CCDC102B: variants seen among roughly 807,000 people sequenced by gnomAD.
The protein encoded by CCDC102B is coiled-coil domain-containing protein 102B.
A neutral mutation model predicts 57.4 loss-of-function variants in CCDC102B; 75 were observed. The ratio of observed to expected loss-of-function variants is 1.31; its 90% CI spans 1.08 to 1.58. CCDC102B has a LOEUF of 1.58. CCDC102B is among the 40% of genes most tolerant of loss of function. The pLI is 0.00. For synonymous variants in CCDC102B, 206 were observed against 201.9 expected (o/e 1.02, Z -0.17); for missense variants, 636 against 582.6 (o/e 1.09, Z -0.94).
In CCDC102B at chr18:68,874,796, G is replaced by A; in HGVS notation, c.1053+11G>A. On this transcript the variant is annotated intron_variant, in intron 5 of 7. Transcript: ENST00000360242. ...GAGTTAAGAGCAGAGGTAAGACACT[G>A]GGTAAAGAGTACCATATATATTAAA... is the stretch of plus-strand genomic sequence containing the variant. The A allele has an allele frequency of 1.4e-6, 2 of 1,441,030 alleles. No homozygotes were observed. The highest frequency in any genetic ancestry group is 2.0e-6 in the Non-Finnish European group (2 of 1,023,964). 89.3% of individuals were successfully genotyped at this position (1,441,030 alleles called of 1,614,324 possible). A position where few individuals can be genotyped will look rare whatever the true frequency, so the allele number is the denominator to read the frequency against.
chr18:68,883,935 T>A (rs549385736), intron 5 of CCDC102B, among the ~76,000 whole-genome samples: 1 of 152,144 alleles, frequency 6.6e-6, no homozygotes, highest in East Asian at 1.9e-4. Context: ...AATTAACATC[T>A]AAAAATTTCC....
chr18:69,043,410 G>A (rs940772431), intron 7 of CCDC102B, among the ~76,000 whole-genome samples: 12 of 152,088 alleles, frequency 7.9e-5, no homozygotes, highest in East Asian at 7.8e-4. Context: ...TATGGGTGTC[G>A]GGCTTGGGGA....
chr18:69,031,345 A>G (rs2052137957), intron 7 of CCDC102B, among the ~76,000 whole-genome samples: 1 of 152,134 alleles, frequency 6.6e-6, no homozygotes, highest in African/African-American at 2.4e-5. Context: ...CATTTGGCTT[A>G]TAATCCAATC....
intron 3 of CCDC102B, among the ~76,000 whole-genome samples, chr18:68,843,294 T>A (rs576656754): frequency 6.6e-6 from 1 of 152,340 alleles, no homozygotes; most frequent in East Asian, 1.9e-4. Context: ...GATAATCATT[T>A]GATTTGGTAA....
At chr18:68,971,660 T>C (rs2050303554) in intron 6 of CCDC102B, among the ~76,000 whole-genome samples, 1 of 152,130 alleles carries the variant, frequency 6.6e-6, no homozygotes, top group Non-Finnish European at 1.5e-5. Flanking sequence ...ACAGAGAAAA[T>C]TGTGTAAGCC....
At chr18:68,720,804 T>G (rs2032284636) in intron 2 of CCDC102B, among the ~76,000 whole-genome samples, 1 of 152,174 alleles carries the variant, frequency 6.6e-6, no homozygotes, top group Non-Finnish European at 1.5e-5. Context: ...ATGGGCATAG[T>G]GGCTCACACC....
intron 2 of CCDC102B, among the ~76,000 whole-genome samples, chr18:68,779,374 G>A (rs2034929893): frequency 6.6e-6 from 1 of 152,088 alleles, no homozygotes; most frequent in Non-Finnish European, 1.5e-5. Flanking sequence ...CATAGTCTAA[G>A]GATTGCTTAA....
At chr18:68,803,135 T>A (rs1181056510) in intron 1 of CCDC102B, among the ~76,000 whole-genome samples, 1 of 152,186 alleles carries the variant, frequency 6.6e-6, no homozygotes, top group African/African-American at 2.4e-5. Flanking sequence ...AAAGCCACCT[T>A]CTTTAGAGAA....
intron 2 of CCDC102B, among the ~76,000 whole-genome samples, chr18:68,762,600 A>G (rs1168805093): frequency 2.0e-5 from 3 of 152,158 alleles, no homozygotes; most frequent in African/African-American, 7.2e-5. Context: ...TATGCCTAAG[A>G]AAAGCCAGAA....
At chr18:68,765,982 T>G (rs2034458412) in intron 2 of CCDC102B, among the ~76,000 whole-genome samples, 1 of 152,106 alleles carries the variant, frequency 6.6e-6, no homozygotes, top group African/African-American at 2.4e-5. Context: ...TAGGAAAGAC[T>G]GAAAATCCAA....
At chr18:69,029,300 G>C (rs2052076651) in intron 7 of CCDC102B, among the ~76,000 whole-genome samples, 1 of 152,070 alleles carries the variant, frequency 6.6e-6, no homozygotes, top group South Asian at 2.1e-4. Context: ...TCCTCTGTTA[G>C]CAGAAGAAAT....
chr18:68,884,481 A>G (rs1158704749), intron 5 of CCDC102B, among the ~76,000 whole-genome samples: 1 of 151,904 alleles, frequency 6.6e-6, no homozygotes, highest in African/African-American at 2.4e-5. Flanking sequence ...ATATATAGAG[A>G]TAGAGAACAA....
At chr18:68,807,878 G>A (rs1051035640) in intron 1 of CCDC102B, among the ~76,000 whole-genome samples, 1 of 151,996 alleles carries the variant, frequency 6.6e-6, no homozygotes, top group Admixed American at 6.6e-5. Context: ...TAAAAAAAAA[G>A]ATGATTGCAG....
At chr18:68,751,872 C>G (rs964978168) in intron 2 of CCDC102B, among the ~76,000 whole-genome samples, 2 of 151,962 alleles carry the variant, frequency 1.3e-5, no homozygotes, top group African/African-American at 4.8e-5. Context: ...AAACTCAAAG[C>G]AGAATAATTG....
chr18:69,028,506 G>A (rs1313712776), intron 7 of CCDC102B, among the ~76,000 whole-genome samples: 2 of 152,068 alleles, frequency 1.3e-5, no homozygotes, highest in Admixed American at 6.6e-5. Flanking sequence ...GGTATGTCTG[G>A]TTACCATCAC....
intron 6 of CCDC102B, among the ~76,000 whole-genome samples, chr18:68,980,971 C>T (rs1025743752): frequency 6.6e-6 from 1 of 151,878 alleles, no homozygotes; most frequent in African/African-American, 2.4e-5. Context: ...ATTATAAGTC[C>T]CAATAAGGAG....
At chr18:69,022,222 T>TAA (rs1555673531) in intron 7 of CCDC102B, among the ~76,000 whole-genome samples, 2 of 94,980 alleles carry the variant, frequency 2.1e-5, no homozygotes, top group Non-Finnish European at 4.4e-5. Context: ...TATATATATA[T>TAA]AACACACACA....
intron 1 of CCDC102B, among the ~76,000 whole-genome samples, chr18:68,807,157 A>C (rs368740649): frequency 6.6e-6 from 1 of 152,136 alleles, no homozygotes; most frequent in Non-Finnish European, 1.5e-5. Context: ...TCATATTTAC[A>C]TACTTATGTT....
intron 2 of CCDC102B, among the ~76,000 whole-genome samples, chr18:68,770,581 C>A (rs2034608115): frequency 6.6e-6 from 1 of 152,192 alleles, no homozygotes; most frequent in African/African-American, 2.4e-5. Flanking sequence ...GCTAATAATT[C>A]AACCTATGGT....
Sources: gnomAD v4.1 joint callset for allele counts (sites outside exome capture counted in the v4.1 genomes callset) on GRCh38, gnomAD v4.1.1 for gene constraint, MANE v1.5 for transcripts, NCBI Gene and HGNC (gene_info 2026-07-23, HGNC 2026-07-21) for gene names.